Variants in AMZ1 observed in about 807,000 individuals in gnomAD.
AMZ1 encodes archaemetzincin-1.
In AMZ1, 39 loss-of-function variants were observed where a neutral mutation model predicts 29.9. The ratio of observed to expected loss-of-function variants is 1.30; its 90% confidence interval spans 1.01 to 1.70. The LOEUF (loss-of-function observed/expected upper bound fraction) is 1.70, where lower values mean the gene tolerates loss of function less well. Ranked by LOEUF, AMZ1 falls within the 40% of genes most tolerant of loss-of-function variation. AMZ1 has a pLI of 0.00. For missense variants in AMZ1, 1,041 were observed against 680.6 expected, an observed-to-expected ratio of 1.53 and a Z score of -5.89; for synonymous variants, 458 against 304.0, an observed-to-expected ratio of 1.51 and a Z score of -5.27.
Position 2,700,698 on chromosome 7 carries a change from T to A in AMZ1, c.247T>A (p.Ser83Thr). The stretch of plus-strand genomic sequence containing the variant: ...CGAGGACTTCCAGACCTTCCACGCC[T>A]CCCTGCAGCACCGGAAGCCCCGCCT... ...APEDFQTFHA[S>T]LQHRKPRLAR... is the part of the protein sequence containing the mutation. Residue 83 changes from serine to threonine, a missense_variant, in exon 2 of 7, where the codon TCC becomes ACC. Coordinates refer to ENST00000683327, the MANE Select transcript of AMZ1 (RefSeq NM_001384743.1). 6.2e-7 allele frequency: 1 copy of A among 1,613,058 alleles called. No homozygotes were observed. The highest frequency in any genetic ancestry group is 1.3e-5 in the African/African-American group (1 of 75,028).
Position 2,708,649 on chromosome 7 carries a change from C to T in AMZ1, c.534C>T (p.Leu178=). Residue 178 remains leucine, a synonymous_variant, in exon 4 of 7, where the codon CTC becomes CTT. Coordinates refer to ENST00000683327, the MANE Select transcript of AMZ1 (RefSeq NM_001384743.1). ...KPGDALCVLG[L]TLSDLYPHEA... is the part of the protein sequence containing the mutation. ...GGGACGCGCTGTGTGTGCTGGGCCT[C>T]ACACTGTCTGACCTGTACCCCCATG... 2 of 1,613,246 alleles carry T rather than the reference C, an allele frequency of 1.2e-6. No homozygotes were observed. Among genetic ancestry groups the T allele is most frequent in the Non-Finnish European group, 1.7e-6 (2 of 1,180,000 alleles).
At chr7:2,722,003 G>A (rs867685964), downstream of AMZ1, among the ~76,000 whole-genome samples, 20 of 152,296 alleles carry the variant, frequency 1.3e-4, no homozygotes, top group South Asian at 1.0e-3. Flanking sequence ...GCGCTGTAGC[G>A]ACCGTCTTGG....
At position 2,738,423 on chromosome 7, in the gene AMZ1, C is replaced by A. The variant is rs78261614; in HGVS notation, n.551-26289C>A. Among the ~76,000 whole-genome samples, 1,395 of 152,280 alleles carry A rather than the reference C, an allele frequency of 9.2e-3. 14 individuals are homozygous for A. Among genetic ancestry groups the A allele is most frequent in the African/African-American group, 0.032 (1,318 of 41,546 alleles). On this transcript the variant is annotated intron_variant and non_coding_transcript_variant, in intron 4 of 4. Transcript: ENST00000489665. ...TCTCCACGCAGTCAGGGGCTACGCACCGGCGAAGGAGAAGAGCTCCGTGGC... is the reference window on the plus strand; with the variant it reads ...TCTCCACGCAGTCAGGGGCTACGCAACGGCGAAGGAGAAGAGCTCCGTGGC...
At chr7:2,753,460 CT>C in intron 4 of AMZ1, among the ~76,000 whole-genome samples, 1 of 152,290 alleles carries the variant, frequency 6.6e-6, no homozygotes, top group Middle Eastern at 3.4e-3. Flanking sequence ...TGGAAGTTGG[CT>C]TTTTTCACTC....
chr7:2,751,388 CAAAGAAA>C (rs1791029766), intron 4 of AMZ1, among the ~76,000 whole-genome samples: 1 of 80,224 alleles, frequency 1.2e-5, no homozygotes, highest in Non-Finnish European at 2.5e-5. Flanking sequence ...AAGACCGTTT[CAAAGAAA>C]AAAGAAAAAA....
intron 1 of AMZ1, among the ~76,000 whole-genome samples, chr7:2,694,148 G>A (rs1787566839): frequency 6.6e-6 from 1 of 152,208 alleles, no homozygotes; most frequent in South Asian, 2.1e-4. Context: ...GATTAGGACA[G>A]TGGGTTCAGG....
intron 4 of AMZ1, among the ~76,000 whole-genome samples, chr7:2,734,070 A>G (rs1027941772): frequency 3.9e-5 from 6 of 152,142 alleles, no homozygotes; most frequent in African/African-American, 1.4e-4. Flanking sequence ...TTCCATTTGG[A>G]TTGTTGTGGT....
intron 4 of AMZ1, among the ~76,000 whole-genome samples, chr7:2,753,049 G>C (rs960954439): frequency 6.6e-6 from 1 of 151,988 alleles, no homozygotes; most frequent in African/African-American, 2.4e-5. Context: ...TGGTAACCAC[G>C]AATCTGATTT....
intron 4 of AMZ1, among the ~76,000 whole-genome samples, chr7:2,744,220 T>C (rs1790653616): frequency 6.6e-6 from 1 of 152,220 alleles, no homozygotes; most frequent in Non-Finnish European, 1.5e-5. Context: ...GCAGACTGCC[T>C]CCTCAAGTGG....
intron 4 of AMZ1, among the ~76,000 whole-genome samples, chr7:2,756,215 C>T (rs1583243832): frequency 6.6e-6 from 1 of 152,020 alleles, no homozygotes; most frequent in East Asian, 1.9e-4. Flanking sequence ...AAGTTTTCAA[C>T]AAATGGTGCT....
intron 1 of AMZ1, among the ~76,000 whole-genome samples, chr7:2,694,372 C>T (rs1394682533): frequency 6.6e-6 from 1 of 152,210 alleles, no homozygotes; most frequent in African/African-American, 2.4e-5. Context: ...TGAATCACGC[C>T]TTGGGCTTCC....
chr7:2,750,157 G>A (rs1170315568), intron 4 of AMZ1, among the ~76,000 whole-genome samples: 1 of 152,194 alleles, frequency 6.6e-6, no homozygotes, highest in Non-Finnish European at 1.5e-5. Flanking sequence ...GGTCTGACAT[G>A]TAAAGGGCCT....
intron 3 of AMZ1, among the ~76,000 whole-genome samples, chr7:2,705,518 A>G (rs116812839): frequency 7.9e-5 from 12 of 152,278 alleles, no homozygotes; most frequent in African/African-American, 2.9e-4. Flanking sequence ...CGGCCACCAA[A>G]CCTTTCTCCT....
intron 1 of AMZ1, among the ~76,000 whole-genome samples, chr7:2,696,530 T>A (rs1288210383): frequency 6.6e-6 from 1 of 151,264 alleles, no homozygotes; most frequent in South Asian, 2.1e-4. Flanking sequence ...GTGCTGTGAT[T>A]ACAGGCGTGA....
At chr7:2,742,984 T>C (rs893213527) in intron 4 of AMZ1, among the ~76,000 whole-genome samples, 1 of 152,250 alleles carries the variant, frequency 6.6e-6, no homozygotes, top group Non-Finnish European at 1.5e-5. Flanking sequence ...GCCACAGGCA[T>C]GGTGGTGTGT....
At position 2,694,268 on chromosome 7, in the gene AMZ1, G is replaced by A. The variant is rs537218165; in HGVS notation, c.-218-5966G>A. Among the ~76,000 whole-genome samples the A allele has an allele frequency of 3.1e-3, 478 of 152,292 alleles. 5 individuals are homozygous for A. Among genetic ancestry groups the A allele is most frequent in the African/African-American group, 0.011 (463 of 41,554 alleles). On this transcript the variant is annotated intron_variant, in intron 1 of 6. Coordinates refer to ENST00000683327, the MANE Select transcript of AMZ1 (RefSeq NM_001384743.1). The stretch of plus-strand genomic sequence containing the variant: ...TTCACCCCTCATTTCCTGCCTCGCC[G>A]CTGGAGCTGGGACATGTCATCCTCT...
intron 1 of AMZ1, among the ~76,000 whole-genome samples, chr7:2,694,496 A>T (rs1037683364): frequency 1.3e-5 from 2 of 152,078 alleles, no homozygotes; most frequent in Non-Finnish European, 2.9e-5. Context: ...GATGAGGTCT[A>T]TGTTGCCCAG....
At chr7:2,695,484 A>G (rs1269650554) in intron 1 of AMZ1, among the ~76,000 whole-genome samples, 2 of 152,082 alleles carry the variant, frequency 1.3e-5, no homozygotes, top group Non-Finnish European at 2.9e-5. Context: ...TGGGAGGCCC[A>G]TAAGGGAGGA....
At chr7:2,727,780 G>A (rs1159375393) in intron 4 of AMZ1, among the ~76,000 whole-genome samples, 1 of 152,132 alleles carries the variant, frequency 6.6e-6, no homozygotes, top group Non-Finnish European at 1.5e-5. Flanking sequence ...GGGTGTGGTG[G>A]CTCATGCCTG....
Sources: gnomAD v4.1 joint callset for allele counts (sites outside exome capture counted in the v4.1 genomes callset) on GRCh38, gnomAD v4.1.1 for gene constraint, MANE v1.5 for transcripts, NCBI Gene and HGNC (gene_info 2026-07-23, HGNC 2026-07-21) for gene names.